The following EPHA3 variants were observed in gnomAD, a reference collection of about 807,000 sequenced individuals.
The protein encoded by EPHA3 is EPH receptor A3, also known as ephrin type-A receptor 3.
EPHA3 carries 42 observed loss-of-function variants against 107.1 expected under a neutral mutation model. The observed-to-expected ratio is 0.39, with a 90% CI of 0.31 to 0.51. The LOEUF is 0.51. Ranked by LOEUF, EPHA3 falls within the 20% of genes least tolerant of loss-of-function variation. EPHA3 has a pLI of 0.78. For synonymous variants in EPHA3, 461 were observed against 424.8 expected (o/e 1.09, Z -1.05); for missense variants, 1,183 against 1,211.2 (o/e 0.98, Z 0.35).
intron 3 of EPHA3, among the ~76,000 whole-genome samples, chr3:89,265,062 G>A (rs1482650048): frequency 6.6e-6 from 1 of 151,898 alleles, no homozygotes; most frequent in African/African-American, 2.4e-5. Context: ...CATATCCTTT[G>A]GAAATTGATT....
intron 5 of EPHA3, among the ~76,000 whole-genome samples, chr3:89,365,976 A>G (rs528115652): frequency 1.3e-5 from 2 of 150,744 alleles, no homozygotes; most frequent in Admixed American, 6.7e-5. Flanking sequence ...GAAAAGTGAC[A>G]CAATCAGGCC....
chr3:89,118,823 C>A (rs1707313843), intron 1 of EPHA3, among the ~76,000 whole-genome samples: 1 of 151,710 alleles, frequency 6.6e-6, no homozygotes, highest in Non-Finnish European at 1.5e-5. Flanking sequence ...ATGTCAAATT[C>A]AATGGGATAA....
chr3:89,180,932 C>G lies in EPHA3; in HGVS notation c.154-28928C>G, dbSNP rs182402784. The stretch of plus-strand genomic sequence containing the variant: ...AGAGTTGGAAAAAAAGAGATTTTGT[C>G]ACAGCCTTTTGGACAAGATGTTGAT... On this transcript the variant is annotated intron_variant, in intron 2 of 16. Transcript: ENST00000336596. 1.2e-4 allele frequency among the ~76,000 whole-genome samples: 18 copies of G among 151,996 alleles called. No homozygotes were observed. In the East Asian group the frequency reaches 2.7e-3, roughly 23 times the overall value.
At chr3:89,117,035 C>A (rs549971685) in intron 1 of EPHA3, among the ~76,000 whole-genome samples, 2 of 152,126 alleles carry the variant, frequency 1.3e-5, no homozygotes, top group South Asian at 4.2e-4. Flanking sequence ...AGACAAACAT[C>A]TTGACTGATT....
chr3:89,317,003 T>A (rs1289550646), intron 3 of EPHA3, among the ~76,000 whole-genome samples: 2 of 151,666 alleles, frequency 1.3e-5, no homozygotes, highest in African/African-American at 4.8e-5. Flanking sequence ...ACTCTGATGC[T>A]CCCTGAGATC....
chr3:89,125,107 A>C (rs1244226715), intron 1 of EPHA3, among the ~76,000 whole-genome samples: 4 of 151,886 alleles, frequency 2.6e-5, no homozygotes, highest in Non-Finnish European at 5.9e-5. Flanking sequence ...TCTGGTTACT[A>C]ATACTGAGAT....
chr3:89,151,460 G>C (rs1438655058), intron 2 of EPHA3, among the ~76,000 whole-genome samples: 1 of 152,188 alleles, frequency 6.6e-6, no homozygotes, highest in East Asian at 1.9e-4. Flanking sequence ...CATTTGGGTA[G>C]TGACTGGCAC....
chr3:89,230,298 A>G (rs1226616418), intron 3 of EPHA3, among the ~76,000 whole-genome samples: 3 of 152,088 alleles, frequency 2.0e-5, no homozygotes, highest in Admixed American at 6.6e-5. Context: ...GTTTTTGCCT[A>G]GGTGTATCAT....
chr3:89,400,014 G>T, intron 7 of EPHA3: 2 of 1,038,648 alleles, frequency 1.9e-6, no homozygotes, highest in Non-Finnish European at 2.3e-6. Flanking sequence ...GCTAAAATTG[G>T]CCTAAAACTG....
At chr3:89,239,583 A>G (rs1704847662) in intron 3 of EPHA3, among the ~76,000 whole-genome samples, 1 of 152,220 alleles carries the variant, frequency 6.6e-6, no homozygotes, top group African/African-American at 2.4e-5. Context: ...ATGGGAATTC[A>G]TAGTAGCATT....
intron 11 of EPHA3, among the ~76,000 whole-genome samples, chr3:89,424,019 G>A (rs1709404645): frequency 6.6e-6 from 1 of 151,304 alleles, no homozygotes; most frequent in Non-Finnish European, 1.5e-5. Context: ...CACAACCTTT[G>A]CAGAAAGGGA....
chr3:89,260,135 G>A (rs1287186837), intron 3 of EPHA3, among the ~76,000 whole-genome samples: 6 of 152,174 alleles, frequency 3.9e-5, no homozygotes, highest in Admixed American at 3.9e-4. Context: ...ATGCTGAAAT[G>A]AACATGAGAG....
chr3:89,391,729 G>T (rs1260523783), intron 5 of EPHA3, among the ~76,000 whole-genome samples: 2 of 151,630 alleles, frequency 1.3e-5, no homozygotes, highest in African/African-American at 4.8e-5. Context: ...CACCGCGCCC[G>T]GCCTATTTGT....
At chr3:89,380,855 G>C (rs112815171) in intron 5 of EPHA3, among the ~76,000 whole-genome samples, 1 of 149,322 alleles carries the variant, frequency 6.7e-6, no homozygotes, top group Non-Finnish European at 1.5e-5. Flanking sequence ...CGCAACCTCC[G>C]CCTCCTGGGT....
chr3:89,411,599 T>G (rs550268633), intron 9 of EPHA3, among the ~76,000 whole-genome samples: 1 of 151,954 alleles, frequency 6.6e-6, no homozygotes, highest in Non-Finnish European at 1.5e-5. Context: ...TACGTTTTTT[T>G]ACTCAAAATC....
chr3:89,427,468 ATGTT>A (rs1415426003), intron 11 of EPHA3, among the ~76,000 whole-genome samples: 6 of 151,884 alleles, frequency 4.0e-5, no homozygotes, highest in African/African-American at 1.4e-4. Context: ...GTGTACATTA[ATGTT>A]TGTTTAACAT....
At chr3:89,390,014 C>G (rs1708691910) in intron 5 of EPHA3, among the ~76,000 whole-genome samples, 1 of 151,742 alleles carries the variant, frequency 6.6e-6, no homozygotes, top group African/African-American at 2.4e-5. Context: ...TTTTTTGAGA[C>G]TGAGTCTCAC....
chr3:89,219,688 GTTTTTTTTTTTTTTGTTTTTTGTTT>G (rs1704309076), intron 3 of EPHA3, among the ~76,000 whole-genome samples: 2 of 34,440 alleles, frequency 5.8e-5, no homozygotes, highest in Non-Finnish European at 1.0e-4. Context: ...ATTTGGCAAT[GTTTTTTTTTTTTTTGTTTTTTGTTT>G]TTTTTTTTTT....
rs779599137 is a variant in EPHA3, at chr3:89,341,844, C to T, written c.1060C>T (p.Arg354Trp). 1.2e-6 allele frequency: 2 copies of T among 1,613,608 alleles called. No homozygotes were observed. Among genetic ancestry groups the T allele is most frequent in the South Asian group, 2.2e-5 (2 of 91,042 alleles). Residue 354 changes from arginine (R) to tryptophan (W), a missense_variant, in exon 5 of 17, where the codon CGG (arginine) becomes TGG (tryptophan). Physicochemically the swap from Arg to Trp is moderately radical, Grantham distance 101 (BLOSUM62 -3). Transcript: ENST00000336596. Reference sequence around the variant, plus strand: ...GAGTTGGCCCCTGGACACAGGAGGCCGGAAAGATGTTACCTTCAACATCAT... The same window carrying T: ...GAGTTGGCCCCTGGACACAGGAGGCTGGAAAGATGTTACCTTCAACATCAT... ...DWSWPLDTGG[R>W]KDVTFNIICK...
Sources: allele counts gnomAD v4.1 joint callset (sites outside exome capture counted in the v4.1 genomes callset), GRCh38; gene constraint gnomAD v4.1.1; transcripts MANE v1.5; gene names NCBI Gene and HGNC (gene_info 2026-07-23, HGNC 2026-07-21).